Variants in LRFN5 observed in about 807,000 individuals in gnomAD.
The protein encoded by LRFN5 is leucine rich repeat and fibronectin type III domain containing 5.
Under a neutral mutation model 45.6 loss-of-function variants are expected in LRFN5, and 24 were observed. That is an observed-to-expected ratio of 0.53 (90% CI 0.38 to 0.74). The LOEUF (loss-of-function observed/expected upper bound fraction) is 0.74, where lower values mean the gene tolerates loss of function less well. Ranked by LOEUF, LRFN5 falls within the 30% of genes least tolerant of loss-of-function variation. The pLI is 0.00. For missense variants in LRFN5, 776 were observed against 861.5 expected, an observed-to-expected ratio of 0.90 and a Z score of 1.24; for synonymous variants, 340 against 313.8, an observed-to-expected ratio of 1.08 and a Z score of -0.88.
At chr14:41,862,031 C>A (rs917150129) in intron 2 of LRFN5, among the ~76,000 whole-genome samples, 5 of 152,106 alleles carry the variant, frequency 3.3e-5, no homozygotes, top group Non-Finnish European at 7.4e-5. Flanking sequence ...TTTGGCAGTA[C>A]CCCTCCGCCT....
chr14:41,693,757 T>C (rs770623558), intron 1 of LRFN5, among the ~76,000 whole-genome samples: 1 of 152,030 alleles, frequency 6.6e-6, no homozygotes, highest in Admixed American at 6.6e-5. Context: ...TCTTTATAAC[T>C]TTTCTTTTTC....
chr14:41,805,046 A>G (rs1298670125), intron 2 of LRFN5, among the ~76,000 whole-genome samples: 2 of 152,124 alleles, frequency 1.3e-5, no homozygotes, highest in East Asian at 3.9e-4. Flanking sequence ...ATCAATGTGA[A>G]TCAAAAAGCA....
At chr14:41,636,772 A>T (rs974099958) in intron 1 of LRFN5, among the ~76,000 whole-genome samples, 2 of 152,098 alleles carry the variant, frequency 1.3e-5, no homozygotes, top group African/African-American at 4.8e-5. Context: ...ACTTACAGAT[A>T]AGCAGAAAGG....
intron 5 of LRFN5, among the ~76,000 whole-genome samples, chr14:41,901,931 A>C (rs1434033440): frequency 6.6e-6 from 1 of 152,036 alleles, no homozygotes; most frequent in Non-Finnish European, 1.5e-5. Context: ...TTTTATAATA[A>C]TTAAAGCATG....
intron 1 of LRFN5, among the ~76,000 whole-genome samples, chr14:41,683,759 C>T (rs988166822): frequency 1.3e-5 from 2 of 151,838 alleles, no homozygotes; most frequent in African/African-American, 4.8e-5. Flanking sequence ...AACACCTTTA[C>T]AATTAAAACT....
In LRFN5 at chr14:41,754,203, G is replaced by A. The variant is rs542746313; in HGVS notation, c.-196-12651G>A. Among the ~76,000 whole-genome samples the A allele has an allele frequency of 2.6e-4, 39 of 152,120 alleles. 1 individual carries two copies. In the South Asian group the frequency reaches 7.3e-3, roughly 28 times the overall value. ...GAGGATTTTTGCATCGATGTTCATCGGGGATATTGGTCTAAAATTCTCTTT... is the reference window on the plus strand; with the variant it reads ...GAGGATTTTTGCATCGATGTTCATCAGGGATATTGGTCTAAAATTCTCTTT... On this transcript the variant is annotated intron_variant, in intron 1 of 5. Coordinates refer to ENST00000298119, the MANE Select transcript of LRFN5 (RefSeq NM_152447.5).
chr14:41,875,175 A>T (rs946432925), intron 2 of LRFN5, among the ~76,000 whole-genome samples: 6 of 152,238 alleles, frequency 3.9e-5, no homozygotes, highest in African/African-American at 1.2e-4. Context: ...TATATGAATT[A>T]TCTCCCTCTT....
chr14:41,749,390 G>T (rs1885041352), intron 1 of LRFN5, among the ~76,000 whole-genome samples: 1 of 152,118 alleles, frequency 6.6e-6, no homozygotes, highest in South Asian at 2.1e-4. Flanking sequence ...GGATGTCATA[G>T]ACATTGAATT....
At chr14:41,781,558 GAGAAAGAA>G (rs55859357) in intron 2 of LRFN5, among the ~76,000 whole-genome samples, 13,063 of 106,702 alleles carry the variant, frequency 0.12, 909 homozygotes, top group South Asian at 0.17. Context: ...AGAAAAGAAA[GAGAAAGAA>G]AGAAAGAAAG....
rs779609899 is a variant in LRFN5, at chr14:41,824,865, C to G, written c.-21+57836C>G. 1.4e-4 allele frequency among the ~76,000 whole-genome samples: 21 copies of G among 152,172 alleles called. 1 individual carries two copies. The Middle Eastern group carries it at 0.014, about 99-fold the overall frequency. On this transcript the variant is annotated intron_variant, in intron 2 of 5. Transcript: ENST00000298119. ...GTGGTGAAATGCACTGTGGTCTCTG[C>G]AAGGGGAGAGGGGACTGCACTAGCT...
chr14:41,811,685 C>T (rs2138992410), intron 2 of LRFN5, among the ~76,000 whole-genome samples: 1 of 152,090 alleles, frequency 6.6e-6, no homozygotes, highest in East Asian at 1.9e-4. Context: ...TTATAAGATT[C>T]CATTGGTATG....
At chr14:41,801,001 T>G (rs1159315411) in intron 2 of LRFN5, among the ~76,000 whole-genome samples, 1 of 152,010 alleles carries the variant, frequency 6.6e-6, no homozygotes, top group Non-Finnish European at 1.5e-5. Context: ...TATGGCAAAA[T>G]TAATGGGACA....
At position 41,876,373 on chromosome 14, in the gene LRFN5, C is replaced by T. The variant is rs572667467; in HGVS notation, c.-20-10233C>T. On this transcript the variant is annotated intron_variant, in intron 2 of 5. Transcript: ENST00000298119. ...TCAGCTCACTGCAAGCTCCGCCTCC[C>T]GGGTTCACGCCCTTCTCCTGCCTCA... Among the ~76,000 whole-genome samples the T allele has an allele frequency of 8.0e-5, 12 of 149,240 alleles. No individual in the cohort carries two copies. The East Asian group carries it at 1.4e-3, about 17-fold the overall frequency.
chr14:41,623,210 GC>G (rs956391261), intron 1 of LRFN5, among the ~76,000 whole-genome samples: 2 of 152,016 alleles, frequency 1.3e-5, no homozygotes, highest in African/African-American at 4.8e-5. Context: ...AAATAAAACA[GC>G]CAAAATTAAC....
At chr14:41,622,346 G>T (rs945905571) in intron 1 of LRFN5, among the ~76,000 whole-genome samples, 8 of 151,910 alleles carry the variant, frequency 5.3e-5, no homozygotes, top group African/African-American at 1.2e-4. Context: ...TATTTGAAAT[G>T]GCTGGATCTA....
chr14:41,812,676 T>C (rs993730677), intron 2 of LRFN5, among the ~76,000 whole-genome samples: 3 of 152,000 alleles, frequency 2.0e-5, no homozygotes, highest in Admixed American at 1.3e-4. Flanking sequence ...TAAAATTTTG[T>C]ATTTTTCTTT....
chr14:41,609,419 G>T (rs1206797200), intron 1 of LRFN5, among the ~76,000 whole-genome samples: 1 of 151,712 alleles, frequency 6.6e-6, no homozygotes, highest in Non-Finnish European at 1.5e-5. Flanking sequence ...GGTTGGATTT[G>T]CGACTGCCTA....
At chr14:41,855,204 A>G (rs1007903450) in intron 2 of LRFN5, among the ~76,000 whole-genome samples, 2 of 152,178 alleles carry the variant, frequency 1.3e-5, no homozygotes, top group African/African-American at 4.8e-5. Flanking sequence ...ATTGGCTTAA[A>G]CGTAGGGTGA....
chr14:41,678,049 C>G (rs1881715635), intron 1 of LRFN5, among the ~76,000 whole-genome samples: 1 of 151,922 alleles, frequency 6.6e-6, no homozygotes, highest in African/African-American at 2.4e-5. Context: ...TTCAACTAAA[C>G]ACTGTCTATA....
Sources: gnomAD v4.1 joint callset for allele counts (sites outside exome capture counted in the v4.1 genomes callset) on GRCh38, gnomAD v4.1.1 for gene constraint, MANE v1.5 for transcripts, NCBI Gene and HGNC (gene_info 2026-07-23, HGNC 2026-07-21) for gene names.